MTREX: variants seen among roughly 807,000 people sequenced by gnomAD.
MTREX encodes the protein exosome RNA helicase MTR4.
Under a neutral mutation model 135.4 loss-of-function variants are expected in MTREX, and 76 were observed. That is an observed-to-expected ratio of 0.56 (90% confidence interval 0.47 to 0.68). MTREX has a LOEUF of 0.68. Among genes scored for constraint, MTREX ranks in the 30% least tolerant of loss-of-function variants. MTREX has a pLI of 0.00. For missense variants in MTREX, 920 were observed against 1,262.1 expected (o/e 0.73, Z 4.11); for synonymous variants, 404 against 401.6 (o/e 1.01, Z -0.07).
intron 1 of MTREX, among the ~76,000 whole-genome samples, chr5:55,315,844 A>G (rs1198041928): frequency 2.0e-5 from 3 of 151,398 alleles, no homozygotes; most frequent in Non-Finnish European, 4.4e-5. Flanking sequence ...TGGATGATAC[A>G]GCTGGGACCC....
rs545577730 is a variant in MTREX, at chr5:55,340,728, C to G, written c.690+544C>G. Among the ~76,000 whole-genome samples the G allele has an allele frequency of 3.3e-5, 5 of 152,176 alleles. No individual in the cohort carries two copies. The South Asian group carries it at 1.0e-3, about 32-fold the overall frequency. Reference sequence around the variant, plus strand: ...TCCTGAATAGCTGGGACTACAGGCGCCCGCCACCATGCCCAGCTAATTTTT... The same window carrying G: ...TCCTGAATAGCTGGGACTACAGGCGGCCGCCACCATGCCCAGCTAATTTTT... On this transcript the variant is annotated intron_variant, in intron 6 of 26. Transcript: ENST00000230640.
intron 1 of MTREX, among the ~76,000 whole-genome samples, chr5:55,321,772 C>T (rs1749293894): frequency 6.6e-6 from 1 of 151,988 alleles, no homozygotes; most frequent in African/African-American, 2.4e-5. Flanking sequence ...TCATACCCAG[C>T]TCATTTTTGT....
intron 16 of MTREX, among the ~76,000 whole-genome samples, chr5:55,374,395 C>T (rs1750260561): frequency 6.6e-6 from 1 of 151,580 alleles, no homozygotes; most frequent in African/African-American, 2.4e-5. Context: ...TCAAGGAATC[C>T]TCCAACCTCA....
chr5:55,391,377 G>A (rs1750563147), intron 19 of MTREX, among the ~76,000 whole-genome samples: 1 of 152,068 alleles, frequency 6.6e-6, no homozygotes, highest in South Asian at 2.1e-4. Flanking sequence ...AGCCCAGGAG[G>A]TTAGGGCTGC....
intron 25 of MTREX, among the ~76,000 whole-genome samples, chr5:55,422,664 T>A (rs1751072744): frequency 6.6e-6 from 1 of 152,200 alleles, no homozygotes; most frequent in South Asian, 2.1e-4. Flanking sequence ...GTCAGCATGT[T>A]AGTAATAAAC....
chr5:55,378,369 T>C lies in MTREX; in HGVS notation c.1866T>C (p.Ser622=). The C allele has an allele frequency of 1.2e-6, 2 of 1,609,684 alleles. No individual in the cohort carries two copies. Among genetic ancestry groups the C allele is most frequent in the Non-Finnish European group, 1.7e-6 (2 of 1,178,854 alleles). The part of the protein sequence containing the change: ...YNKIVIPNEE[S]VVIYYKIRQQ... ...AAATAGTAATTCCCAATGAAGAAAGTGTGGTTATCTATTATAAGATTAGAC... is the reference window on the plus strand; with the variant it reads ...AAATAGTAATTCCCAATGAAGAAAGCGTGGTTATCTATTATAAGATTAGAC... The change falls in exon 17 of 27, where the codon AGT becomes AGC. Residue 622 remains serine (S), a synonymous_variant. Transcript: ENST00000230640.
intron 18 of MTREX, among the ~76,000 whole-genome samples, chr5:55,385,817 CAT>C (rs1415624124): frequency 1.3e-5 from 2 of 152,090 alleles, no homozygotes; most frequent in African/African-American, 4.8e-5. Context: ...ACACAAAAGA[CAT>C]ATTTTTAAAA....
chr5:55,362,342 GT>G (rs1250586335), intron 15 of MTREX, among the ~76,000 whole-genome samples: 1 of 151,662 alleles, frequency 6.6e-6, no homozygotes, highest in Non-Finnish European at 1.5e-5. Flanking sequence ...TAAGGCAGCA[GT>G]TTTTTTGTTT....
In MTREX at chr5:55,425,217, G is replaced by A. The variant is rs747885862; in HGVS notation, c.*445G>A. ...CACCCTGCTGCCTTTCAAGGCTGGT[G>A]ATTGCTCGGATAGTGATTCCCAGTT... is the stretch of plus-strand genomic sequence containing the variant. On this transcript the variant is annotated 3_prime_UTR_variant, in exon 27 of 27. Transcript: ENST00000230640. The A allele has an allele frequency of 1.3e-5, 21 of 1,613,376 alleles. No homozygotes were observed. The highest frequency in any genetic ancestry group is 1.7e-5 in the Admixed American group (1 of 59,736).
intron 15 of MTREX, among the ~76,000 whole-genome samples, chr5:55,359,607 G>A (rs1749976892): frequency 6.6e-6 from 1 of 152,138 alleles, no homozygotes; most frequent in Non-Finnish European, 1.5e-5. Flanking sequence ...TAATCGTATT[G>A]TGTCTTATTT....
intron 22 of MTREX, among the ~76,000 whole-genome samples, chr5:55,406,808 G>A (rs906239157): frequency 6.6e-6 from 1 of 152,180 alleles, no homozygotes; most frequent in African/African-American, 2.4e-5. Context: ...AGTCTTTATA[G>A]ATCAGTGCAA....
chr5:55,403,081 A>G (rs1164895032), intron 21 of MTREX, among the ~76,000 whole-genome samples: 1 of 152,020 alleles, frequency 6.6e-6, no homozygotes, highest in Non-Finnish European at 1.5e-5. Flanking sequence ...TGCACCTGTC[A>G]TCCCAGGTAC....
intron 13 of MTREX, among the ~76,000 whole-genome samples, 177 bp from the exon 14 acceptor site, chr5:55,352,991 G>T (rs1039981358): frequency 1.3e-5 from 2 of 152,124 alleles, no homozygotes; most frequent in African/African-American, 4.8e-5. Flanking sequence ...GACATTAAAT[G>T]TTAATTAATA....
At chr5:55,362,019 C>T (rs988555423) in intron 15 of MTREX, among the ~76,000 whole-genome samples, 11 of 150,396 alleles carry the variant, frequency 7.3e-5, no homozygotes, top group South Asian at 2.1e-4. Context: ...AGGGCTCAAG[C>T]GACCCTCCCA....
At chr5:55,351,050 T>C in intron 13 of MTREX, 21 bp downstream of exon 13, 1 of 1,580,438 alleles carries the variant, frequency 6.3e-7, no homozygotes, top group Non-Finnish European at 8.5e-7. Context: ...ATTTTTATTT[T>C]TTATGCCCCC....
At chr5:55,362,967 A>C (rs1024015906) in intron 15 of MTREX, among the ~76,000 whole-genome samples, 2 of 152,200 alleles carry the variant, frequency 1.3e-5, no homozygotes, top group African/African-American at 4.8e-5. Context: ...CCATTTCTAT[A>C]ATTTCTGAAA....
At chr5:55,316,636 A>C (rs981627779) in intron 1 of MTREX, among the ~76,000 whole-genome samples, 4 of 152,180 alleles carry the variant, frequency 2.6e-5, no homozygotes, top group African/African-American at 9.7e-5. Context: ...AACACACCTC[A>C]ATATAATAGA....
chr5:55,391,306 G>T (rs1489189916), intron 19 of MTREX, among the ~76,000 whole-genome samples: 1 of 151,994 alleles, frequency 6.6e-6, no homozygotes, highest in Non-Finnish European at 1.5e-5. Flanking sequence ...AATTAGCCAG[G>T]CATGGTGGCA....
chr5:55,363,835 G>T (rs1750053351), intron 15 of MTREX, among the ~76,000 whole-genome samples: 1 of 152,196 alleles, frequency 6.6e-6, no homozygotes, highest in Non-Finnish European at 1.5e-5. Flanking sequence ...TGTTATGAAT[G>T]TTGTGAATTG....
Sources: allele counts gnomAD v4.1 joint callset (sites outside exome capture counted in the v4.1 genomes callset), GRCh38; gene constraint gnomAD v4.1.1; transcripts MANE v1.5; gene names NCBI Gene and HGNC (gene_info 2026-07-23, HGNC 2026-07-21).